Variants in DLEU7 observed in about 807,000 individuals in gnomAD.
The protein encoded by DLEU7 is leukemia-associated protein 7.
DLEU7 carries 17 observed loss-of-function variants against 16.0 expected under a neutral mutation model. The observed-to-expected ratio is 1.06, with a 90% CI of 0.73 to 1.59. DLEU7 has a LOEUF of 1.59. Ranked by LOEUF, DLEU7 falls within the 40% of genes most tolerant of loss-of-function variation. DLEU7 has a pLI of 0.00. For synonymous variants in DLEU7, 113 were observed against 139.8 expected (o/e 0.81, Z 1.35); for missense variants, 308 against 314.9 (o/e 0.98, Z 0.17).
downstream of DLEU7, chr13:50,822,548 G>A (rs957499058): frequency 7.0e-6 from 6 of 862,020 alleles, no homozygotes; most frequent in African/African-American, 3.7e-5. Context: ...TGGGAAACCT[G>A]CCAGTAGATC....
chr13:50,822,541 G>A (rs1177608342), downstream of DLEU7: 5 of 836,578 alleles, frequency 6.0e-6, no homozygotes, highest in Non-Finnish European at 7.2e-6. Flanking sequence ...AACGGTTTGG[G>A]AAACCTGCCA....
intron 1 of DLEU7, among the ~76,000 whole-genome samples, chr13:50,738,261 A>G: frequency 6.6e-6 from 1 of 152,186 alleles, no homozygotes; most frequent in African/African-American, 2.4e-5. Context: ...AATTATTTCA[A>G]CTTTTCTATA....
At chr13:50,833,283 G>A (rs534508309) in intron 1 of DLEU7, among the ~76,000 whole-genome samples, 1 of 152,300 alleles carries the variant, frequency 6.6e-6, no homozygotes, top group South Asian at 2.1e-4. Context: ...TGACATGATT[G>A]TATATTTAGA....
At chr13:50,800,900 A>G (rs1223817520) in intron 1 of DLEU7, among the ~76,000 whole-genome samples, 4 of 152,108 alleles carry the variant, frequency 2.6e-5, no homozygotes, top group Admixed American at 2.6e-4. Context: ...ATACAGTGCT[A>G]GGCTCTTCCC....
downstream of DLEU7, among the ~76,000 whole-genome samples, chr13:50,819,521 G>A (rs1376544784): frequency 6.6e-6 from 1 of 152,142 alleles, no homozygotes; most frequent in Non-Finnish European, 1.5e-5. Context: ...TTCCAGACAG[G>A]AGACAATAGT....
intron 1 of DLEU7, among the ~76,000 whole-genome samples, chr13:50,777,512 G>A (rs911473741): frequency 2.0e-5 from 3 of 152,160 alleles, no homozygotes; most frequent in Non-Finnish European, 4.4e-5. Context: ...TCCTCAGCTT[G>A]TAGACAGCCT....
intron 1 of DLEU7, among the ~76,000 whole-genome samples, chr13:50,832,366 C>A (rs1182483268): frequency 1.3e-5 from 2 of 151,784 alleles, no homozygotes; most frequent in South Asian, 2.1e-4. Context: ...CTATTTGATT[C>A]TTCTCTCTTT....
At chr13:50,739,007 A>ACG (rs1276931931) in intron 1 of DLEU7, among the ~76,000 whole-genome samples, 12 of 83,970 alleles carry the variant, frequency 1.4e-4, no homozygotes, top group East Asian at 1.0e-3. Flanking sequence ...ACACACACGC[A>ACG]CACACACACA....
In DLEU7 at chr13:50,837,901, T is replaced by C. The variant is rs192534576; in HGVS notation, c.459+5287A>G. Among the ~76,000 whole-genome samples the C allele has an allele frequency of 1.4e-3, 219 of 152,204 alleles. 3 individuals are homozygous for C. In the South Asian group the frequency reaches 0.029, roughly 20 times the overall value. ...TTCAAATGTTTTCAAAGTTTGCTAA[T>C]GACAAGGAAGGGAAGGATGCGAACT... is the stretch of plus-strand genomic sequence containing the variant. On this transcript the variant is annotated intron_variant, in intron 1 of 1. Coordinates refer to ENST00000504404, the MANE Select transcript of DLEU7 (RefSeq NM_001306135.2).
intron 1 of DLEU7, among the ~76,000 whole-genome samples, chr13:50,814,761 A>AGTGTGTGTGTGTGT (rs10670911): frequency 0.16 from 22,830 of 138,424 alleles, 2,252 homozygotes; most frequent in Non-Finnish European, 0.23. Context: ...TATTCATGTG[A>AGTGTGTGTGTGTGT]GTGTGTGTGT....
chr13:50,830,734 A>C lies in DLEU7; in HGVS notation c.460-7214T>G, dbSNP rs185586582. ...CACATATCTGCCCTGAGGTAGGCAG[A>C]ATAATAGCCTTTCAGTACCTGTATG... On this transcript the variant is annotated intron_variant, in intron 1 of 1. Coordinates refer to ENST00000504404, the MANE Select transcript of DLEU7 (RefSeq NM_001306135.2). Among the ~76,000 whole-genome samples, 133 of 152,316 alleles carry C rather than the reference A, an allele frequency of 8.7e-4. 1 individual carries two copies. The Middle Eastern group carries it at 0.01, about 12-fold the overall frequency.
intron 1 of DLEU7, among the ~76,000 whole-genome samples, chr13:50,778,293 C>T (rs566209309): frequency 2.0e-5 from 3 of 152,124 alleles, no homozygotes; most frequent in Non-Finnish European, 2.9e-5. Context: ...CAGCACAGGG[C>T]AAACCACCCT....
chr13:50,727,643 C>A (rs1024748093), intron 1 of DLEU7, among the ~76,000 whole-genome samples: 3 of 152,104 alleles, frequency 2.0e-5, no homozygotes, highest in Non-Finnish European at 4.4e-5. Context: ...CAAGGAATCA[C>A]GTTGGGAATA....
At chr13:50,735,745 C>T (rs1874051726) in intron 1 of DLEU7, among the ~76,000 whole-genome samples, 1 of 152,050 alleles carries the variant, frequency 6.6e-6, no homozygotes, top group South Asian at 2.1e-4. Context: ...TGTCAACAAG[C>T]ATATGAAAAA....
chr13:50,757,804 A>T (rs192732534), intron 1 of DLEU7, among the ~76,000 whole-genome samples: 150 of 152,330 alleles, frequency 9.8e-4, no homozygotes, highest in African/African-American at 3.4e-3. Context: ...GATGTTAGCA[A>T]AAGTGCAGGG....
chr13:50,837,536 T>C (rs1453400282), intron 1 of DLEU7, among the ~76,000 whole-genome samples: 1 of 152,220 alleles, frequency 6.6e-6, no homozygotes, highest in Non-Finnish European at 1.5e-5. Context: ...CTGTGACTCA[T>C]CACTGCACCT....
intron 1 of DLEU7, among the ~76,000 whole-genome samples, chr13:50,716,632 T>G (rs1236552775): frequency 6.6e-6 from 1 of 152,254 alleles, no homozygotes; most frequent in African/African-American, 2.4e-5. Context: ...TTTCTTCATG[T>G]GTAAGGTGGT....
chr13:50,762,308 G>T (rs1874962402), intron 1 of DLEU7, among the ~76,000 whole-genome samples: 1 of 152,086 alleles, frequency 6.6e-6, no homozygotes, highest in Non-Finnish European at 1.5e-5. Context: ...AATGTTTGGG[G>T]ATTACGACTA....
At chr13:50,775,174 A>C (rs1286435642) in intron 1 of DLEU7, among the ~76,000 whole-genome samples, 1 of 151,672 alleles carries the variant, frequency 6.6e-6, no homozygotes, top group Non-Finnish European at 1.5e-5. Context: ...TTTTAATTTC[A>C]TACTAGATAT....
Sources: allele counts gnomAD v4.1 joint callset (sites outside exome capture counted in the v4.1 genomes callset), GRCh38; gene constraint gnomAD v4.1.1; transcripts MANE v1.5; gene names NCBI Gene and HGNC (gene_info 2026-07-23, HGNC 2026-07-21).